Variants in TEX9 observed in about 807,000 individuals in gnomAD.
The protein encoded by TEX9 is testis expressed 9.
In TEX9, 74 loss-of-function variants were observed where a neutral mutation model predicts 59.6. The ratio of observed to expected loss-of-function variants is 1.24; its 90% CI spans 1.03 to 1.51. TEX9 has a LOEUF of 1.51. Among genes scored for constraint, TEX9 ranks in the 40% most tolerant of loss-of-function variants. TEX9 has a pLI of 0.00. For missense variants in TEX9, 522 were observed against 447.8 expected (o/e 1.17, Z -1.49); for synonymous variants, 186 against 152.2 (o/e 1.22, Z -1.64).
chr15:56,252,747 G>T (rs1438590145), intron 1 of TEX9, among the ~76,000 whole-genome samples: 1 of 152,034 alleles, frequency 6.6e-6, no homozygotes, highest in African/African-American at 2.4e-5. Flanking sequence ...GATCCCCCGG[G>T]CTTCCAAATT....
At chr15:56,317,868 G>A (rs569639563) in intron 1 of TEX9, among the ~76,000 whole-genome samples, 1 of 152,106 alleles carries the variant, frequency 6.6e-6, no homozygotes, top group Non-Finnish European at 1.5e-5. Flanking sequence ...TTTTGTTGGA[G>A]GGCACATTTA....
At chr15:56,395,833 A>G (rs1468302632) in intron 9 of TEX9, 2 of 152,156 alleles carry the variant, frequency 1.3e-5, no homozygotes, top group African/African-American at 4.8e-5. Flanking sequence ...AAATTACTGA[A>G]TAATAAGAAC....
intron 1 of TEX9, among the ~76,000 whole-genome samples, chr15:56,332,573 A>G (rs2046172118): frequency 6.6e-6 from 1 of 152,026 alleles, no homozygotes; most frequent in Non-Finnish European, 1.5e-5. Flanking sequence ...TACATATGTA[A>G]CTAACCTCCA....
chr15:56,331,048 G>C (rs79020957), intron 1 of TEX9, among the ~76,000 whole-genome samples: 4,203 of 152,198 alleles, frequency 0.028, 187 homozygotes, highest in African/African-American at 0.095. Context: ...GACAAAAAGA[G>C]AGACAAAGAA....
chr15:56,400,668 C>G (rs1567125008), intron 9 of TEX9, among the ~76,000 whole-genome samples: 1 of 152,024 alleles, frequency 6.6e-6, no homozygotes, highest in Admixed American at 6.6e-5. Context: ...AGAGCAACAC[C>G]AAGATACATA....
At chr15:56,394,095 GGTCT>G in intron 7 of TEX9, 66 bp from the exon 8 acceptor site, 1 of 1,388,130 alleles carries the variant, frequency 7.2e-7, no homozygotes, top group Non-Finnish European at 1.0e-6. Flanking sequence ...ATAAAGTAAT[GGTCT>G]GTCTTACAAT....
At chr15:56,329,564 T>A (rs12439999) in intron 1 of TEX9, among the ~76,000 whole-genome samples, 6,686 of 151,914 alleles carry the variant, frequency 0.044, 226 homozygotes, top group Admixed American at 0.087. Flanking sequence ...GAATTCAGAA[T>A]CCTCCCAGAT....
intron 1 of TEX9, among the ~76,000 whole-genome samples, chr15:56,293,007 C>T (rs1453956637): frequency 6.6e-6 from 1 of 152,196 alleles, no homozygotes; most frequent in African/African-American, 2.4e-5. Context: ...AGAATCCTGT[C>T]TCAAGTTCTA....
intron 1 of TEX9, among the ~76,000 whole-genome samples, chr15:56,327,442 G>A: frequency 6.6e-6 from 1 of 152,170 alleles, no homozygotes; most frequent in East Asian, 1.9e-4. Context: ...AGGGGGTGAA[G>A]CAAGATGGCA....
At chr15:56,350,655 T>A (rs937302217) in intron 1 of TEX9, among the ~76,000 whole-genome samples, 1 of 152,232 alleles carries the variant, frequency 6.6e-6, no homozygotes, top group African/African-American at 2.4e-5. Flanking sequence ...AGTTTCATTC[T>A]GCTGGGGAAT....
At chr15:56,364,397 C>A (rs992116393), upstream of TEX9, among the ~76,000 whole-genome samples, 1 of 151,816 alleles carries the variant, frequency 6.6e-6, no homozygotes, top group African/African-American at 2.4e-5. Flanking sequence ...AGGTGATCCA[C>A]CCGCCTTGGC....
chr15:56,449,809 T>C (rs2050935923), downstream of TEX9, among the ~76,000 whole-genome samples: 1 of 152,244 alleles, frequency 6.6e-6, no homozygotes, highest in African/African-American at 2.4e-5. Context: ...TTTATCTATT[T>C]CATTTACATT....
At chr15:56,459,148 A>T in the TEX9 span, among the ~76,000 whole-genome samples, 1 of 152,158 alleles carries the variant, frequency 6.6e-6, no homozygotes, top group Non-Finnish European at 1.5e-5. Flanking sequence ...GCACCTACTT[A>T]TCTATTTTTT....
intron 1 of TEX9, among the ~76,000 whole-genome samples, chr15:56,265,886 C>T (rs534198582): frequency 1.3e-5 from 2 of 152,146 alleles, no homozygotes; most frequent in African/African-American, 2.4e-5. Context: ...TAATCCTTTA[C>T]TGATTTTCAT....
chr15:56,249,479 G>GAGGGAGGGAAGGA (rs1167704063), intron 1 of TEX9, among the ~76,000 whole-genome samples: 2 of 151,522 alleles, frequency 1.3e-5, no homozygotes, highest in African/African-American at 4.9e-5. Context: ...AGAAAGGAGG[G>GAGGGAGGGAAGGA]AGGGAGGGAA....
At chr15:56,443,410 T>C in intron 12 of TEX9, 1 of 1,506,874 alleles carries the variant, frequency 6.6e-7, no homozygotes, top group Non-Finnish European at 8.9e-7. Context: ...TTAATCATTC[T>C]TTCCATTTCT....
intron 1 of TEX9, among the ~76,000 whole-genome samples, chr15:56,256,590 C>G (rs1330217326): frequency 6.6e-6 from 1 of 151,324 alleles, no homozygotes; most frequent in Non-Finnish European, 1.5e-5. Context: ...TTGTATAAAA[C>G]TAAGAGATGA....
At chr15:56,262,156 C>A (rs2044283544) in intron 1 of TEX9, among the ~76,000 whole-genome samples, 1 of 152,176 alleles carries the variant, frequency 6.6e-6, no homozygotes, top group Admixed American at 6.5e-5. Context: ...ATGTTTTCCT[C>A]CTGCAGTATA....
intron 12 of TEX9, among the ~76,000 whole-genome samples, chr15:56,433,064 A>C (rs2050640393): frequency 6.6e-6 from 1 of 152,188 alleles, no homozygotes; most frequent in South Asian, 2.1e-4. Flanking sequence ...ACTTAAATCT[A>C]CATTTCCAAC....
Sources: allele counts gnomAD v4.1 joint callset (sites outside exome capture counted in the v4.1 genomes callset), GRCh38; gene constraint gnomAD v4.1.1; transcripts MANE v1.5; gene names NCBI Gene and HGNC (gene_info 2026-07-23, HGNC 2026-07-21).